SMARCA4: variants seen among roughly 807,000 people sequenced by gnomAD.
SMARCA4 encodes the protein SWI/SNF-related matrix-associated actin-dependent regulator of chromatin subfamily A member 4.
A neutral mutation model predicts 193.9 loss-of-function variants in SMARCA4; 31 were observed. The observed-to-expected ratio is 0.16, with a 90% confidence interval of 0.12 to 0.22. The LOEUF is 0.22. SMARCA4 is among the 10% of genes least tolerant of loss of function. The pLI is 1.00. For missense variants in SMARCA4, 1,148 were observed against 2,296.0 expected (o/e 0.50, Z 10.22); for synonymous variants, 942 against 933.1 (o/e 1.01, Z -0.17).
At chr19:11,060,612 T>C (rs1248702216) in intron 34 of SMARCA4, 4 of 257,024 alleles carry the variant, frequency 1.6e-5, no homozygotes, top group Non-Finnish European at 3.1e-5. Flanking sequence ...AAGACCACAG[T>C]GGATAGTTTT....
intron 11 of SMARCA4, among the ~76,000 whole-genome samples, chr19:11,001,147 T>C (rs1481549120): frequency 6.6e-6 from 1 of 152,156 alleles, no homozygotes; most frequent in Admixed American, 6.5e-5. Flanking sequence ...CTTGACGTCC[T>C]GGGCTCAAGT....
intron 6 of SMARCA4, 53 bp from the exon 7 acceptor site, chr19:10,989,264 C>G (rs1310657770): frequency 6.2e-7 from 1 of 1,610,586 alleles, no homozygotes; most frequent in East Asian, 2.2e-5. Flanking sequence ...CCAGCTGTAA[C>G]TGGGTGCCCT....
chr19:11,003,378 G>T lies in SMARCA4; in HGVS notation c.1982G>T (p.Gly661Val), dbSNP rs367689657. The T allele has an allele frequency of 6.2e-7, 1 of 1,614,156 alleles. No homozygotes were observed. The highest frequency in any genetic ancestry group is 8.5e-7 in the Non-Finnish European group (1 of 1,179,980). ...VAPRSDSEESGSEEEEEEEEE... is the reference protein window; with the variant it reads ...VAPRSDSEESVSEEEEEEEEE... Reference sequence around the variant, plus strand: ...CCGAGGTCTGATAGTGAAGAAAGTGGCTCAGAAGAAGAGGAAGAGGTAAGA... The same window carrying T: ...CCGAGGTCTGATAGTGAAGAAAGTGTCTCAGAAGAAGAGGAAGAGGTAAGA... The change falls in exon 13 of 35, where the codon GGC (glycine) becomes GTC (valine). Residue 661 changes from glycine (G) to valine (V), a missense_variant. By Grantham distance (109) the Gly-to-Val change is moderately radical (BLOSUM62 -3). Coordinates refer to ENST00000344626, the MANE Select transcript of SMARCA4 (RefSeq NM_003072.5).
chr19:10,988,004 C>A (rs577309555), intron 6 of SMARCA4, 80 bp downstream of exon 6: 11 of 1,467,282 alleles, frequency 7.5e-6, no homozygotes, highest in Non-Finnish European at 1.0e-5. Flanking sequence ...ACTTTCTCCC[C>A]CACTCTAGCA....
At chr19:10,970,212 A>G (rs2084566371) in intron 1 of SMARCA4, among the ~76,000 whole-genome samples, 1 of 152,068 alleles carries the variant, frequency 6.6e-6, no homozygotes, top group African/African-American at 2.4e-5. Flanking sequence ...AGCTGTCTGT[A>G]TTGCTTCCAT....
At position 11,023,020 on chromosome 19, in the gene SMARCA4, C is replaced by T. The variant is rs111433206; in HGVS notation, c.2860-498C>T. Among the ~76,000 whole-genome samples the T allele has an allele frequency of 1.4e-3, 206 of 152,234 alleles. 1 individual carries two copies. The highest frequency in any genetic ancestry group is 4.6e-3 in the African/African-American group (192 of 41,540). On this transcript the variant is annotated intron_variant, in intron 19 of 34. Coordinates refer to ENST00000344626, the MANE Select transcript of SMARCA4 (RefSeq NM_003072.5). Reference sequence around the variant, plus strand: ...TAATTATTAGTAGAGGAGTAGGCGCCGTGGGAGGTCAGGGTTTCTTTCACC... The same window carrying T: ...TAATTATTAGTAGAGGAGTAGGCGCTGTGGGAGGTCAGGGTTTCTTTCACC...
intron 21 of SMARCA4, 86 bp downstream of exon 21, chr19:11,024,524 A>G (rs1289843221): frequency 2.4e-6 from 2 of 844,054 alleles, no homozygotes; most frequent in Non-Finnish European, 4.0e-6. Flanking sequence ...TGCTCTGACC[A>G]TCGGGTCATG....
At chr19:10,972,382 C>T (rs955893267) in intron 1 of SMARCA4, among the ~76,000 whole-genome samples, 3 of 151,932 alleles carry the variant, frequency 2.0e-5, no homozygotes, top group Non-Finnish European at 4.4e-5. Context: ...AGGCATGAGC[C>T]ACCACGTCCG....
intron 30 of SMARCA4, among the ~76,000 whole-genome samples, chr19:11,049,755 C>T (rs1324255380): frequency 6.6e-6 from 1 of 152,142 alleles, no homozygotes; most frequent in African/African-American, 2.4e-5. Flanking sequence ...AAGACCACCC[C>T]GCCAGCCACC....
At position 11,025,419 on chromosome 19, in the gene SMARCA4, C is replaced by T. The variant is rs1472511985; in HGVS notation, c.3082-3C>T. On this transcript the variant is annotated splice_polypyrimidine_tract_variant and splice_region_variant and intron_variant, in intron 21 of 34. Coordinates refer to ENST00000344626, the MANE Select transcript of SMARCA4 (RefSeq NM_003072.5). ...ATTTGGGTCCCTCTCATCTGCCTTC[C>T]AGGGCAAAGGCGGCACCAAGACCCT... 1 of 1,611,980 alleles carries T rather than the reference C, an allele frequency of 6.2e-7. No individual in the cohort carries two copies. The highest frequency in any genetic ancestry group is 8.5e-7 in the Non-Finnish European group (1 of 1,178,764).
chr19:11,037,227 G>T (rs2075317968), intron 29 of SMARCA4, among the ~76,000 whole-genome samples: 1 of 152,214 alleles, frequency 6.6e-6, no homozygotes, highest in African/African-American at 2.4e-5. Context: ...CCTTTTGAGG[G>T]ACCCCAGCCT....
intron 19 of SMARCA4, among the ~76,000 whole-genome samples, chr19:11,022,670 C>A (rs1416312986): frequency 1.3e-5 from 2 of 152,200 alleles, no homozygotes; most frequent in South Asian, 2.1e-4. Context: ...GGGCCCACCC[C>A]CTTCTTCCCA....
At chr19:11,054,979 G>A (rs374294484) in intron 30 of SMARCA4, among the ~76,000 whole-genome samples, 32 of 152,248 alleles carry the variant, frequency 2.1e-4, no homozygotes, top group African/African-American at 7.2e-4. Flanking sequence ...TTCCAAGTGC[G>A]GGGAGGCTGC....
intron 16 of SMARCA4, among the ~76,000 whole-genome samples, chr19:11,016,737 T>C (rs2089399895): frequency 6.6e-6 from 1 of 152,196 alleles, no homozygotes; most frequent in African/African-American, 2.4e-5. Context: ...TTTTTTGTTT[T>C]GTGGCTCAAA....
In SMARCA4 at chr19:11,012,722, G is replaced by A. The variant is rs575590308; in HGVS notation, c.2275-227G>A. 1.4e-4 allele frequency: 80 copies of A among 590,210 alleles called. 1 individual carries two copies. The highest frequency in any genetic ancestry group is 1.3e-3 in the South Asian group (73 of 55,472). The allele number at this position is 590,210 out of a possible 1,614,324, so 36.6% of individuals were successfully genotyped here. ...ATTAGAAATGTCACACGTGTCCATC[G>A]TTCGCACAGTCATCCTGCAGCTTCA... On this transcript the variant is annotated intron_variant, in intron 15 of 34. Transcript: ENST00000344626.
chr19:10,982,698 G>A (rs559765327), intron 1 of SMARCA4, among the ~76,000 whole-genome samples: 1 of 151,830 alleles, frequency 6.6e-6, no homozygotes, highest in South Asian at 2.1e-4. Context: ...TAGAGACAGG[G>A]TTTCACCATG....
At chr19:11,005,459 C>G (rs973708842) in intron 13 of SMARCA4, among the ~76,000 whole-genome samples, 2 of 152,210 alleles carry the variant, frequency 1.3e-5, no homozygotes, top group African/African-American at 4.8e-5. Flanking sequence ...CTTTCTCCTG[C>G]TGATGGTTCA....
At position 11,013,641 on chromosome 19, in the gene SMARCA4, G is replaced by A. The variant is rs569466721; in HGVS notation, c.2438+529G>A. 2.0e-5 allele frequency among the ~76,000 whole-genome samples: 3 copies of A among 152,208 alleles called. No homozygotes were observed. In the East Asian group the frequency reaches 5.8e-4, roughly 29 times the overall value. ...GGGTCCCTCTCCCGGGATGTCCTTGGTGTCCTTTTCAAGTCCCACAACCAG... is the reference window on the plus strand; with the variant it reads ...GGGTCCCTCTCCCGGGATGTCCTTGATGTCCTTTTCAAGTCCCACAACCAG... On this transcript the variant is annotated intron_variant, in intron 16 of 34. Transcript: ENST00000344626.
chr19:11,046,114 T>C (rs1193543266), intron 30 of SMARCA4, among the ~76,000 whole-genome samples: 1 of 151,414 alleles, frequency 6.6e-6, no homozygotes, highest in East Asian at 1.9e-4. Context: ...TCCCAGATAC[T>C]CGAGAGGCTG....
Sources: allele counts gnomAD v4.1 joint callset (sites outside exome capture counted in the v4.1 genomes callset), GRCh38; gene constraint gnomAD v4.1.1; transcripts MANE v1.5; gene names NCBI Gene and HGNC (gene_info 2026-07-23, HGNC 2026-07-21).